Variants in C8orf34 observed in about 807,000 individuals in gnomAD.
C8orf34 encodes uncharacterized protein C8orf34.
A neutral mutation model predicts 68.3 loss-of-function variants in C8orf34; 65 were observed. That is an observed-to-expected ratio of 0.95 (90% confidence interval 0.78 to 1.17). C8orf34 has a LOEUF of 1.17. Ranked by LOEUF, C8orf34 falls within the 50% of genes most tolerant of loss-of-function variation. C8orf34 has a pLI of 0.00. For missense variants in C8orf34, 664 were observed against 655.4 expected (o/e 1.01, Z -0.14); for synonymous variants, 244 against 241.2 (o/e 1.01, Z -0.11).
chr8:68,418,505 G>A (rs955422582), intron 1 of C8orf34, among the ~76,000 whole-genome samples: 1 of 152,056 alleles, frequency 6.6e-6, no homozygotes, highest in Non-Finnish European at 1.5e-5. Flanking sequence ...TTAGCATGAA[G>A]GGTTGTTGAA....
rs143469929 is a variant in C8orf34, at chr8:68,567,040, G to A, written c.1105+33891G>A. 3.6e-3 allele frequency among the ~76,000 whole-genome samples: 547 copies of A among 152,188 alleles called. 5 individuals are homozygous for A. The highest frequency in any genetic ancestry group is 6.8e-3 in the Middle Eastern group (2 of 294). On this transcript the variant is annotated intron_variant, in intron 7 of 13. Coordinates refer to ENST00000518698, the MANE Select transcript of C8orf34 (RefSeq NM_052958.4). Reference sequence around the variant, plus strand: ...TGTTGGATTCAGTTAGCTAGTTTTTGTTAATGATTTTAGCATCTATGTTCA... The same window carrying A: ...TGTTGGATTCAGTTAGCTAGTTTTTATTAATGATTTTAGCATCTATGTTCA...
At chr8:68,778,388 C>T (rs1192905726) in intron 11 of C8orf34, among the ~76,000 whole-genome samples, 1 of 152,092 alleles carries the variant, frequency 6.6e-6, no homozygotes, top group Non-Finnish European at 1.5e-5. Flanking sequence ...TTTAACATTT[C>T]TTACTAAAGT....
chr8:68,446,464 AG>A lies in C8orf34; in HGVS notation c.607+6del, dbSNP rs772356759. ...CCATCACCGGACTCCAAATCATGTAAGGAAGTCTCTTATTCAAATGCTATTC... is the reference window on the plus strand; with the variant it reads ...CCATCACCGGACTCCAAATCATGTAAGAAGTCTCTTATTCAAATGCTATTC... On this transcript the variant is annotated splice_donor_5th_base_variant and intron_variant, in intron 3 of 13. Transcript: ENST00000518698. 1 of 1,610,130 alleles carries A rather than the reference AG, an allele frequency of 6.2e-7. No homozygotes were observed. Among genetic ancestry groups the A allele is most frequent in the Non-Finnish European group, 8.5e-7 (1 of 1,178,800 alleles).
intron 12 of C8orf34, among the ~76,000 whole-genome samples, chr8:68,788,698 A>G (rs993569110): frequency 9.2e-5 from 14 of 152,096 alleles, no homozygotes; most frequent in Non-Finnish European, 1.5e-5. Context: ...GTCACTACTA[A>G]AAATGCAAAA....
chr8:68,672,270 T>A (rs536294150), intron 8 of C8orf34, among the ~76,000 whole-genome samples: 1 of 151,968 alleles, frequency 6.6e-6, no homozygotes, highest in Non-Finnish European at 1.5e-5. Context: ...TTGACAACTA[T>A]CCACACACAA....
intron 5 of C8orf34, among the ~76,000 whole-genome samples, chr8:68,516,334 A>G (rs990274506): frequency 2.0e-5 from 3 of 152,188 alleles, no homozygotes; most frequent in African/African-American, 7.2e-5. Flanking sequence ...GAATTATGCT[A>G]TTTATTATGA....
chr8:68,655,381 A>T (rs1819482809), intron 8 of C8orf34, among the ~76,000 whole-genome samples: 1 of 152,228 alleles, frequency 6.6e-6, no homozygotes, highest in Non-Finnish European at 1.5e-5. Context: ...TCCTGTCATG[A>T]ATTAGAAAGC....
At chr8:68,624,798 C>T (rs985556692) in intron 7 of C8orf34, among the ~76,000 whole-genome samples, 7 of 152,032 alleles carry the variant, frequency 4.6e-5, no homozygotes, top group South Asian at 2.1e-4. Context: ...TGCAATGGCA[C>T]GATCACAGCT....
intron 12 of C8orf34, among the ~76,000 whole-genome samples, chr8:68,809,831 T>C (rs1295615014): frequency 6.6e-6 from 1 of 152,108 alleles, no homozygotes; most frequent in African/African-American, 2.4e-5. Context: ...TTGGAGGTAG[T>C]CTGAGGATAG....
At chr8:68,679,069 G>A (rs888502211) in intron 8 of C8orf34, among the ~76,000 whole-genome samples, 5 of 152,016 alleles carry the variant, frequency 3.3e-5, no homozygotes, top group Non-Finnish European at 7.4e-5. Flanking sequence ...GGGAGGCCGA[G>A]GTGGGCTGAT....
intron 8 of C8orf34, among the ~76,000 whole-genome samples, chr8:68,643,807 C>A (rs1382421892): frequency 1.3e-5 from 2 of 152,120 alleles, no homozygotes; most frequent in Non-Finnish European, 2.9e-5. Flanking sequence ...CAATTAGTTA[C>A]CAATTTCACA....
intron 12 of C8orf34, among the ~76,000 whole-genome samples, chr8:68,813,637 G>C (rs569203721): frequency 6.6e-6 from 1 of 152,218 alleles, no homozygotes; most frequent in East Asian, 1.9e-4. Context: ...GGAAGCTGTT[G>C]CTTCTCTCCA....
At chr8:68,736,081 A>C (rs1822113666) in intron 10 of C8orf34, among the ~76,000 whole-genome samples, 1 of 152,216 alleles carries the variant, frequency 6.6e-6, no homozygotes, top group Non-Finnish European at 1.5e-5. Context: ...ATAAAAGGAA[A>C]GCAAAGAAAA....
At chr8:68,519,061 G>A (rs576382725) in intron 5 of C8orf34, among the ~76,000 whole-genome samples, 50 of 152,232 alleles carry the variant, frequency 3.3e-4, no homozygotes, top group South Asian at 6.2e-4. Context: ...GTAAAACTAC[G>A]ATCAAGCGTA....
intron 1 of C8orf34, among the ~76,000 whole-genome samples, chr8:68,397,761 C>A (rs371387664): frequency 5.3e-5 from 8 of 151,938 alleles, no homozygotes; most frequent in Admixed American, 3.3e-4. Context: ...TGTGAACTGA[C>A]CCTATTTTTT....
intron 8 of C8orf34, among the ~76,000 whole-genome samples, chr8:68,678,139 A>C (rs1820249467): frequency 6.6e-6 from 1 of 152,180 alleles, no homozygotes; most frequent in African/African-American, 2.4e-5. Flanking sequence ...ATTTTACCAA[A>C]CATTTGAAGA....
intron 12 of C8orf34, among the ~76,000 whole-genome samples, chr8:68,815,496 A>G (rs1317399397): frequency 6.6e-6 from 1 of 152,172 alleles, no homozygotes; most frequent in African/African-American, 2.4e-5. Context: ...GGGGCTGAAT[A>G]AGCTGTGTTA....
At chr8:68,783,328 G>A (rs1823738077) in intron 11 of C8orf34, among the ~76,000 whole-genome samples, 2 of 151,914 alleles carry the variant, frequency 1.3e-5, no homozygotes, top group African/African-American at 2.4e-5. Flanking sequence ...GACCAGCCTG[G>A]CCAACATGGT....
rs141195376 is a variant in C8orf34 at position 68,711,598 on chromosome 8, A to G, written c.1327+2519A>G. On this transcript the variant is annotated intron_variant, in intron 9 of 13. Coordinates refer to ENST00000518698, the MANE Select transcript of C8orf34 (RefSeq NM_052958.4). ...AGCTCAAAGACAAGGCTTTTCAATT[A>G]ACCCAATCCATCAAAGACAAAGAAA... 4.1e-3 allele frequency among the ~76,000 whole-genome samples: 618 copies of G among 152,210 alleles called. 8 individuals are homozygous for G. The highest frequency in any genetic ancestry group is 0.014 in the African/African-American group (583 of 41,558).
Sources: allele counts gnomAD v4.1 joint callset (sites outside exome capture counted in the v4.1 genomes callset), GRCh38; gene constraint gnomAD v4.1.1; transcripts MANE v1.5; gene names NCBI Gene and HGNC (gene_info 2026-07-23, HGNC 2026-07-21).